GTF3C5: variants seen among roughly 807,000 people sequenced by gnomAD.
GTF3C5 encodes general transcription factor 3C polypeptide 5.
In GTF3C5, 47 loss-of-function variants were observed where a neutral mutation model predicts 61.0. That is an observed-to-expected ratio of 0.77 (90% CI 0.61 to 0.98). The LOEUF is 0.98. GTF3C5 is among the 50% of genes least tolerant of loss of function. The pLI, the probability that GTF3C5 is intolerant of heterozygous loss-of-function variation, is 0.00. For synonymous variants in GTF3C5, 295 were observed against 275.4 expected, an observed-to-expected ratio of 1.07 and a Z score of -0.71; for missense variants, 659 against 703.3, an observed-to-expected ratio of 0.94 and a Z score of 0.71.
At chr9:133,043,984 C>T (rs1428362394) in intron 3 of GTF3C5, 58 bp downstream of exon 3, 13 of 1,264,714 alleles carry the variant, frequency 1.0e-5, no homozygotes, top group Non-Finnish European at 1.3e-5. Context: ...ATGGTCCGGG[C>T]ACGGAGGCTC....
chr9:133,054,178 G>A (rs998061044), intron 6 of GTF3C5, among the ~76,000 whole-genome samples: 2 of 152,214 alleles, frequency 1.3e-5, no homozygotes, highest in Admixed American at 6.5e-5. Context: ...GTGACTCCAC[G>A]TGCCCTATGG....
intron 1 of GTF3C5, among the ~76,000 whole-genome samples, chr9:133,041,848 T>C (rs563571010): frequency 1.3e-5 from 2 of 152,284 alleles, no homozygotes; most frequent in South Asian, 4.1e-4. Context: ...GAGCAGGCAC[T>C]TGATGGATGA....
At chr9:133,056,964 C>CAG (rs1588482883) in intron 10 of GTF3C5, 56 bp downstream of exon 10, 2 of 1,484,940 alleles carry the variant, frequency 1.3e-6, no homozygotes, top group East Asian at 5.0e-5. Context: ...TCCTTTGAGA[C>CAG]AGAGGTGTCC....
chr9:133,054,703 C>A lies in GTF3C5; in HGVS notation c.1070-9C>A. The A allele has an allele frequency of 6.4e-7, 1 of 1,559,448 alleles. No homozygotes were observed. The highest frequency in any genetic ancestry group is 2.4e-5 in the East Asian group (1 of 42,054). ...GCACATTCCAAGCACTGCTGTTGTC[C>A]CCACGCAGCCAGCCAGCTTGTCACC... On this transcript the variant is annotated splice_polypyrimidine_tract_variant and intron_variant, in intron 7 of 10. Transcript: ENST00000372097.
intron 5 of GTF3C5, among the ~76,000 whole-genome samples, chr9:133,053,333 C>T (rs961085191): frequency 3.4e-4 from 51 of 152,138 alleles, no homozygotes; most frequent in Non-Finnish European, 4.4e-5. Context: ...TCCTAGAATC[C>T]CGGTACTTCG....
chr9:133,055,476 C>T (rs911726318), intron 8 of GTF3C5: 243 of 1,213,908 alleles, frequency 2.0e-4, no homozygotes, highest in Non-Finnish European at 2.4e-4. Context: ...CAGTGAGGGG[C>T]GATCATGCCA....
At chr9:133,047,204 C>T (rs1181806760) in intron 3 of GTF3C5, among the ~76,000 whole-genome samples, 1 of 152,100 alleles carries the variant, frequency 6.6e-6, no homozygotes, top group Non-Finnish European at 1.5e-5. Flanking sequence ...CCAACATCAC[C>T]CACAACCAGT....
At chr9:133,054,135 A>G (rs535865866) in intron 6 of GTF3C5, among the ~76,000 whole-genome samples, 193 bp downstream of exon 6, 25 of 152,028 alleles carry the variant, frequency 1.6e-4, no homozygotes, top group African/African-American at 4.8e-4. Context: ...CCCACCACTG[A>G]CCGCCCGTTT....
chr9:133,058,131 C>T lies in GTF3C5; in HGVS notation c.*151C>T. The T allele has an allele frequency of 6.8e-7, 1 of 1,476,420 alleles. No homozygotes were observed. 91.5% of individuals were successfully genotyped at this position (1,476,420 alleles called of 1,614,324 possible). A position where few individuals can be genotyped will look rare whatever the true frequency, so the allele number is the denominator to read the frequency against. ...GAGTCCCAGCAAAGGGTGCAGCTGACCCTAGCACTGGCTGTGACATGCTGC... is the reference window on the plus strand; with the variant it reads ...GAGTCCCAGCAAAGGGTGCAGCTGATCCTAGCACTGGCTGTGACATGCTGC... On this transcript the variant is annotated 3_prime_UTR_variant, in exon 11 of 11. Coordinates refer to ENST00000372097, the MANE Select transcript of GTF3C5 (RefSeq NM_012087.4).
intron 3 of GTF3C5, among the ~76,000 whole-genome samples, chr9:133,048,268 C>T (rs1196017999): frequency 1.3e-5 from 2 of 152,188 alleles, no homozygotes; most frequent in South Asian, 2.1e-4. Context: ...GAGGCCGAGG[C>T]GGGTGGATCA....
At chr9:133,047,373 AAAAAC>A (rs1319744863) in intron 3 of GTF3C5, among the ~76,000 whole-genome samples, 1 of 152,206 alleles carries the variant, frequency 6.6e-6, no homozygotes, top group Admixed American at 6.5e-5. Flanking sequence ...CCTGTTAGAA[AAAAAC>A]AAAACATTGT....
intron 1 of GTF3C5, among the ~76,000 whole-genome samples, chr9:133,035,125 T>C (rs1254185865): frequency 6.6e-6 from 1 of 152,194 alleles, no homozygotes; most frequent in Non-Finnish European, 1.5e-5. Flanking sequence ...GCATGTGCAG[T>C]GAAATGAGTC....
intron 2 of GTF3C5, 29 bp downstream of exon 2, chr9:133,042,335 G>A (rs1850063914): frequency 2.1e-6 from 3 of 1,425,860 alleles, no homozygotes; most frequent in African/African-American, 1.4e-5. Flanking sequence ...TGCAATGTCT[G>A]GTTATTTCAG....
chr9:133,038,440 C>A (rs887863147), intron 1 of GTF3C5, among the ~76,000 whole-genome samples: 3 of 150,856 alleles, frequency 2.0e-5, no homozygotes, highest in South Asian at 4.2e-4. Flanking sequence ...GTGGGGGAGA[C>A]CCCTAGGAGC....
intron 1 of GTF3C5, among the ~76,000 whole-genome samples, chr9:133,035,166 C>G (rs1057076576): frequency 6.6e-6 from 1 of 152,156 alleles, no homozygotes; most frequent in Admixed American, 6.5e-5. Context: ...TTGTATTAAT[C>G]TGTTAAACCT....
intron 1 of GTF3C5, among the ~76,000 whole-genome samples, chr9:133,033,044 C>T (rs1426573522): frequency 6.6e-6 from 1 of 152,190 alleles, no homozygotes; most frequent in Non-Finnish European, 1.5e-5. Flanking sequence ...AGTTGTTCAG[C>T]TGTTCCTTTG....
chr9:133,051,450 C>T (rs750288129), intron 4 of GTF3C5, among the ~76,000 whole-genome samples: 3 of 152,364 alleles, frequency 2.0e-5, no homozygotes, highest in Middle Eastern at 3.4e-3. Flanking sequence ...CCACCTGGAG[C>T]CCGGCGCTTC....
chr9:133,051,362 G>T (rs1376098309), intron 4 of GTF3C5, among the ~76,000 whole-genome samples: 1 of 152,216 alleles, frequency 6.6e-6, no homozygotes, highest in Non-Finnish European at 1.5e-5. Context: ...CTGCCAGGCA[G>T]CCCTCCTTCC....
At chr9:133,034,899 T>C (rs1214550352) in intron 1 of GTF3C5, among the ~76,000 whole-genome samples, 2 of 151,220 alleles carry the variant, frequency 1.3e-5, no homozygotes, top group Admixed American at 1.3e-4. Context: ...TAGCATTTCA[T>C]AAGGGGATAA....
Sources: gnomAD v4.1 joint callset for allele counts (sites outside exome capture counted in the v4.1 genomes callset) on GRCh38, gnomAD v4.1.1 for gene constraint, MANE v1.5 for transcripts, NCBI Gene and HGNC (gene_info 2026-07-23, HGNC 2026-07-21) for gene names.